Variants in CPLANE1 observed in about 807,000 individuals in gnomAD.
CPLANE1 encodes the protein ciliogenesis and planar polarity effector 1.
Under a neutral mutation model 362.5 loss-of-function variants are expected in CPLANE1, and 263 were observed. That is an observed-to-expected ratio of 0.73 (90% CI 0.66 to 0.80). CPLANE1 has a LOEUF of 0.80. CPLANE1 is among the 30% of genes least tolerant of loss of function. The pLI is 0.00. For synonymous variants in CPLANE1, 1,212 were observed against 1,302.6 expected (o/e 0.93, Z 1.50); for missense variants, 3,461 against 3,793.4 (o/e 0.91, Z 2.30).
intron 42 of CPLANE1, among the ~76,000 whole-genome samples, chr5:37,149,334 A>T (rs1393181988): frequency 6.6e-6 from 1 of 152,156 alleles, no homozygotes; most frequent in Non-Finnish European, 1.5e-5. Context: ...ACCTATAGAC[A>T]TTCTTCCCAT....
intron 46 of CPLANE1, among the ~76,000 whole-genome samples, chr5:37,135,106 C>T (rs1341489934): frequency 6.6e-6 from 1 of 152,106 alleles, no homozygotes; most frequent in Non-Finnish European, 1.5e-5. Flanking sequence ...AAATTTTCCT[C>T]ACAATGGTGC....
At chr5:37,237,213 G>C (rs960881019) in intron 8 of CPLANE1, among the ~76,000 whole-genome samples, 1 of 152,148 alleles carries the variant, frequency 6.6e-6, no homozygotes, top group Non-Finnish European at 1.5e-5. Flanking sequence ...CAAAGGATTG[G>C]ATAAAGAAAA....
intron 21 of CPLANE1, among the ~76,000 whole-genome samples, chr5:37,193,668 T>C (rs879794372): frequency 3.9e-5 from 6 of 151,954 alleles, no homozygotes; most frequent in African/African-American, 7.3e-5. Context: ...AATAAATAAA[T>C]AAATAAAATT....
Position 37,183,703 on chromosome 5 carries a change from T to A in CPLANE1, c.4482-4A>T. ...TTCCATGTGATTTGGGGCATTTCTA[T>A]AGCAAAAAAATAAAATAAGACAAAA... is the stretch of plus-strand genomic sequence containing the variant. On this transcript the variant is annotated splice_region_variant and splice_polypyrimidine_tract_variant and intron_variant, in intron 25 of 52. Transcript: ENST00000651892. The A allele has an allele frequency of 6.5e-7, 1 of 1,541,284 alleles. No individual in the cohort carries two copies. The highest frequency in any genetic ancestry group is 2.1e-4 in the Middle Eastern group (1 of 4,866).
intron 44 of CPLANE1, chr5:37,141,369 A>T (rs1034676078): frequency 1.1e-5 from 11 of 985,322 alleles, no homozygotes; most frequent in Admixed American, 6.2e-5. Flanking sequence ...GAGAAAAGCT[A>T]TCAGTGACCA....
chr5:37,209,730 C>A lies in CPLANE1; in HGVS notation c.2921-3305G>T. 8.3e-7 allele frequency: 1 copy of A among 1,209,998 alleles called. No homozygotes were observed. Among genetic ancestry groups the A allele is most frequent in the Non-Finnish European group, 1.2e-6 (1 of 814,174 alleles). 75.0% of individuals were successfully genotyped at this position (1,209,998 alleles called of 1,614,324 possible). A position where few individuals can be genotyped will look rare whatever the true frequency, so the allele number is the denominator to read the frequency against. On this transcript the variant is annotated intron_variant, in intron 16 of 52. Coordinates refer to ENST00000651892, the MANE Select transcript of CPLANE1 (RefSeq NM_001384732.1). The surrounding 1 kb of genome is among the most constrained non-coding windows in gnomAD (Gnocchi z 4.6). ...CATTAAAATCAACCCTACTTCCAGT[C>A]TGTACAAATCACTGGTTTCAGGAGC...
Position 37,132,782 on chromosome 5 carries a change from A to G in CPLANE1, c.8792+5938T>C, listed in dbSNP as rs564103066. On this transcript the variant is annotated intron_variant, in intron 46 of 52. Transcript: ENST00000651892. ...TGCTGTGCAGAAGCTCTTTAATTAC[A>G]TCCCACTTGTCAATTTTTGTTTTTG... is the stretch of plus-strand genomic sequence containing the variant. 2.6e-5 allele frequency among the ~76,000 whole-genome samples: 4 copies of G among 152,272 alleles called. No individual in the cohort carries two copies. The South Asian group carries it at 8.3e-4, about 32-fold the overall frequency.
chr5:37,184,854 C>T lies in CPLANE1; in HGVS notation c.4415G>A (p.Ser1472Asn), dbSNP rs754402532. ...LTELGDSVVH[S>N]DADTFSEALS... ...AGCTTCAGAGAACGTATCTGCATCACTGTGAACCACAGAATCTCCTAGTTC... is the reference window on the plus strand; with the variant it reads ...AGCTTCAGAGAACGTATCTGCATCATTGTGAACCACAGAATCTCCTAGTTC... The change falls in exon 25 of 53, where the codon AGT becomes AAT. Residue 1472 changes from serine (S) to asparagine (N), a missense_variant. Ser to Asn is a conservative substitution (Grantham distance 46). Around this residue, in one of 2 missense-constraint regions of CPLANE1, gnomAD observed 3,380 missense variants for 3,666.1 expected, o/e 0.92. Coordinates refer to ENST00000651892, the MANE Select transcript of CPLANE1 (RefSeq NM_001384732.1). The T allele has an allele frequency of 6.2e-7, 1 of 1,614,110 alleles. No homozygotes were observed. The highest frequency in any genetic ancestry group is 8.5e-7 in the Non-Finnish European group (1 of 1,179,978).
intron 31 of CPLANE1, among the ~76,000 whole-genome samples, chr5:37,174,574 T>A (rs181829286): frequency 0.014 from 2,048 of 151,514 alleles, 38 homozygotes; most frequent in African/African-American, 0.046. Context: ...GTTTTTTTTT[T>A]AAAAAAACAA....
At position 37,227,702 on chromosome 5, in the gene CPLANE1, C is replaced by T. The variant is rs758642292; in HGVS notation, c.1237G>A (p.Val413Ile). ...IKAHSRLPYL[V>I]ISDGYMVTTL... ...GTGACCATATATCCATCAGATATAA[C>T]GAGGTAGGGTAACCGTGAGTGTGCT... Residue 413 changes from valine (V) to isoleucine (I), a missense_variant, in exon 10 of 53, where the codon GTT becomes ATT. Around this residue, in one of 2 missense-constraint regions of CPLANE1, gnomAD observed 3,380 missense variants for 3,666.1 expected, o/e 0.92. Coordinates refer to ENST00000651892, the MANE Select transcript of CPLANE1 (RefSeq NM_001384732.1). 82 of 1,551,210 alleles carry T rather than the reference C, an allele frequency of 5.3e-5. No individual in the cohort carries two copies. The highest frequency in any genetic ancestry group is 9.5e-5 in the South Asian group (8 of 84,052).
At chr5:37,084,767 TCTTTAAAAAAAGATATC>T in the CPLANE1 span, among the ~76,000 whole-genome samples, 1 of 151,274 alleles carries the variant, frequency 6.6e-6, no homozygotes, top group Admixed American at 6.6e-5. Flanking sequence ...CGAGACTCTG[TCTTTAAAAAAAGATATC>T]TTTTTTTTTA....
At chr5:37,121,408 G>A (rs1442621391) in intron 49 of CPLANE1, among the ~76,000 whole-genome samples, 2 of 152,206 alleles carry the variant, frequency 1.3e-5, no homozygotes, top group Admixed American at 1.3e-4. Context: ...TAAGCTTAGT[G>A]AGAAATATAA....
chr5:37,245,724 G>A lies in CPLANE1; in HGVS notation c.203C>T (p.Thr68Ile). 5 of 1,522,764 alleles carry A rather than the reference G, an allele frequency of 3.3e-6. No individual in the cohort carries two copies. The highest frequency in any genetic ancestry group is 4.4e-6 in the Non-Finnish European group (5 of 1,137,290). The allele number at this position is 1,522,764 out of a possible 1,614,324, so 94.3% of individuals were successfully genotyped here. The change falls in exon 3 of 53, where the codon ACA (threonine) becomes ATA (isoleucine). Residue 68 changes from threonine to isoleucine, a missense_variant. Transcript: ENST00000651892. ...QPFLKDVIVLTTSSNDAWLAG... is the reference protein window; with the variant it reads ...QPFLKDVIVLITSSNDAWLAG... Reference sequence around the variant, plus strand: ...TACTACTTAACCATTACTGGATGTTGTTAGGACAATAACATCCTTCAAGAA... The same window carrying A: ...TACTACTTAACCATTACTGGATGTTATTAGGACAATAACATCCTTCAAGAA...
intron 21 of CPLANE1, among the ~76,000 whole-genome samples, chr5:37,195,409 T>C (rs1787068391): frequency 6.6e-6 from 1 of 152,122 alleles, no homozygotes; most frequent in African/African-American, 2.4e-5. Flanking sequence ...AAGATCAGCC[T>C]GGGCAACATG....
intron 28 of CPLANE1, 78 bp downstream of exon 28, chr5:37,179,939 A>G: frequency 4.2e-6 from 4 of 960,200 alleles, no homozygotes; most frequent in South Asian, 3.6e-5. Flanking sequence ...ATAAGACTAA[A>G]TAAGTTACCT....
intron 49 of CPLANE1, 118 bp from the exon 50 acceptor site, chr5:37,120,458 T>A: frequency 2.5e-6 from 2 of 798,886 alleles, no homozygotes. Flanking sequence ...TAGCCCCAGC[T>A]ACTGGCGAGG....
intron 3 of CPLANE1, 53 bp from the exon 4 acceptor site, chr5:37,245,651 C>T: frequency 6.8e-7 from 1 of 1,479,828 alleles, no homozygotes; most frequent in Non-Finnish European, 9.0e-7. Context: ...CCTTTAACAT[C>T]ACCCTAAGTT....
chr5:37,186,875 T>C (rs1784145620), intron 23 of CPLANE1, among the ~76,000 whole-genome samples: 1 of 151,810 alleles, frequency 6.6e-6, no homozygotes, highest in African/African-American at 2.4e-5. Flanking sequence ...CTGGCTAACG[T>C]GGTAAAACCC....
At chr5:37,142,826 G>T (rs912511616) in intron 43 of CPLANE1, among the ~76,000 whole-genome samples, 1 of 152,164 alleles carries the variant, frequency 6.6e-6, no homozygotes, top group Non-Finnish European at 1.5e-5. Context: ...ACTCATAGCT[G>T]GAGCAGTAAG....
Sources: gnomAD v4.1 joint callset for allele counts (sites outside exome capture counted in the v4.1 genomes callset) on GRCh38, gnomAD v4.1.1 for gene constraint, gnomAD v4.1.1 regional missense constraint, Gnocchi (gnomAD v3.1) non-coding constraint, MANE v1.5 for transcripts, NCBI Gene and HGNC (gene_info 2026-07-23, HGNC 2026-07-21) for gene names.